SCFD2: variants seen among roughly 807,000 people sequenced by gnomAD.
SCFD2 encodes sec1 family domain containing 2, also known as sec1 family domain-containing protein 2.
Under a neutral mutation model 58.9 loss-of-function variants are expected in SCFD2, and 54 were observed. That is an observed-to-expected ratio of 0.92 (90% confidence interval 0.74 to 1.15). SCFD2 has a LOEUF of 1.15. Ranked by LOEUF, SCFD2 falls within the 50% of genes most tolerant of loss-of-function variation. The pLI is 0.00. For missense variants in SCFD2, 805 were observed against 836.6 expected (o/e 0.96, Z 0.47); for synonymous variants, 321 against 335.9 (o/e 0.96, Z 0.49).
chr4:53,114,600 A>T (rs1725267834), intron 5 of SCFD2, among the ~76,000 whole-genome samples: 1 of 152,182 alleles, frequency 6.6e-6, no homozygotes, highest in Non-Finnish European at 1.5e-5. Context: ...TAAAGGCTGA[A>T]AGAAAAATAC....
chr4:52,917,548 A>G (rs895225707), intron 6 of SCFD2, among the ~76,000 whole-genome samples: 9 of 152,092 alleles, frequency 5.9e-5, no homozygotes, highest in Non-Finnish European at 1.3e-4. Context: ...TGCAGATACC[A>G]TGGTGATCAA....
chr4:52,942,323 T>C (rs2109515406), intron 5 of SCFD2, among the ~76,000 whole-genome samples: 1 of 152,176 alleles, frequency 6.6e-6, no homozygotes, highest in Non-Finnish European at 1.5e-5. Flanking sequence ...AGCTGGAAAG[T>C]GTGTGCTAGT....
intron 5 of SCFD2, among the ~76,000 whole-genome samples, chr4:52,971,074 G>C (rs565814490): frequency 9.9e-5 from 15 of 152,166 alleles, no homozygotes; most frequent in Non-Finnish European, 2.1e-4. Flanking sequence ...GGAAAAACTA[G>C]AGCAGAAAAA....
At chr4:53,173,228 T>C (rs1727231512) in intron 4 of SCFD2, among the ~76,000 whole-genome samples, 1 of 152,296 alleles carries the variant, frequency 6.6e-6, no homozygotes, top group Non-Finnish European at 1.5e-5. Flanking sequence ...TTATAAACAA[T>C]GTAAATCAAA....
In SCFD2 at chr4:53,313,573, C is replaced by A. The variant is rs1366764926; in HGVS notation, c.1135+63G>T. The A allele has an allele frequency of 3.8e-6, 6 of 1,598,678 alleles. No individual in the cohort carries two copies. In the East Asian group the frequency reaches 1.3e-4, roughly 36 times the overall value. The stretch of plus-strand genomic sequence containing the variant: ...ATTCCATGTTGGCTAGCTTGGCCCA[C>A]AATTCAGAACAGGTTTAAATAAGCT... On this transcript the variant is annotated intron_variant, in intron 3 of 8. Transcript: ENST00000401642.
intron 5 of SCFD2, among the ~76,000 whole-genome samples, chr4:53,059,333 C>T (rs773962724): frequency 2.0e-5 from 3 of 152,132 alleles, no homozygotes; most frequent in Non-Finnish European, 4.4e-5. Context: ...TTACAACTAC[C>T]ATGGGCCTGG....
At chr4:53,281,571 C>A (rs1276860504) in intron 3 of SCFD2, among the ~76,000 whole-genome samples, 1 of 152,036 alleles carries the variant, frequency 6.6e-6, no homozygotes, top group Non-Finnish European at 1.5e-5. Context: ...AAATAATGTG[C>A]AAAAGACTCA....
chr4:53,031,670 G>A lies in SCFD2; in HGVS notation c.1562-110800C>T, dbSNP rs1413164499. Among the ~76,000 whole-genome samples the A allele has an allele frequency of 5.3e-5, 8 of 152,082 alleles. No individual in the cohort carries two copies. The East Asian group carries it at 9.7e-4, about 18-fold the overall frequency. The stretch of plus-strand genomic sequence containing the variant: ...GTTTCAATAGCCAAATTGATCAAAC[G>A]GAAGAAAGGATATCAATGATTGAAG... On this transcript the variant is annotated intron_variant, in intron 5 of 8. Coordinates refer to ENST00000401642, the MANE Select transcript of SCFD2 (RefSeq NM_152540.4).
At position 53,145,554 on chromosome 4, in the gene SCFD2, A is replaced by G. The variant is rs1156443763; in HGVS notation, c.1340T>C (p.Val447Ala). ...AATCATGGGCAGCAGCTGATTTAAC[A>G]CAACGGACATTGCTGACTCCCCAAT... Reference protein sequence around the residue: ...QSIGESAMSVVLNQLLPMIKP... With the variant: ...QSIGESAMSVALNQLLPMIKP... Residue 447 changes from valine (V) to alanine (A), a missense_variant, in exon 5 of 9, where the codon GTG (valine) becomes GCG (alanine). Physicochemically the swap from Val to Ala is moderately conservative, Grantham distance 64. Transcript: ENST00000401642. 1 of 1,614,168 alleles carries G rather than the reference A, an allele frequency of 6.2e-7. No individual in the cohort carries two copies. The highest frequency in any genetic ancestry group is 1.1e-5 in the South Asian group (1 of 91,064).
intron 4 of SCFD2, among the ~76,000 whole-genome samples, chr4:53,234,232 C>T (rs1729526786): frequency 6.6e-6 from 1 of 152,110 alleles, no homozygotes; most frequent in South Asian, 2.1e-4. Context: ...AGCATGTGCT[C>T]AATACATTGT....
intron 5 of SCFD2, among the ~76,000 whole-genome samples, chr4:53,002,175 C>T (rs1721878139): frequency 3.9e-5 from 6 of 152,096 alleles, no homozygotes. Flanking sequence ...TTGTGAGAAA[C>T]ACACGAATAA....
At chr4:53,123,545 C>T (rs1393637353) in intron 5 of SCFD2, among the ~76,000 whole-genome samples, 1 of 150,768 alleles carries the variant, frequency 6.6e-6, no homozygotes, top group Non-Finnish European at 1.5e-5. Context: ...GGGGGGGGCA[C>T]TGACAAACAT....
At position 52,873,323 on chromosome 4, in the gene SCFD2, A is replaced by G. The variant is rs1025669897; in HGVS notation, c.*646T>C. On this transcript the variant is annotated 3_prime_UTR_variant, in exon 9 of 9. Coordinates refer to ENST00000401642, the MANE Select transcript of SCFD2 (RefSeq NM_152540.4). ...CTCCAATCAACCACCTTCCCACTACAGTTCCAAGTAGCCTGGCAGACCTGC... is the reference window on the plus strand; with the variant it reads ...CTCCAATCAACCACCTTCCCACTACGGTTCCAAGTAGCCTGGCAGACCTGC... The G allele has an allele frequency of 2.6e-5, 4 of 152,212 alleles. No individual in the cohort carries two copies. The highest frequency in any genetic ancestry group is 5.9e-5 in the Non-Finnish European group (4 of 68,078). The allele number at this position is 152,212 out of a possible 1,614,324, so 9.4% of individuals were successfully genotyped here.
chr4:53,155,285 G>A (rs1726642002), intron 4 of SCFD2, among the ~76,000 whole-genome samples: 1 of 152,156 alleles, frequency 6.6e-6, no homozygotes, highest in Non-Finnish European at 1.5e-5. Context: ...GGACATTTAA[G>A]AGATAATTAG....
intron 4 of SCFD2, among the ~76,000 whole-genome samples, chr4:53,272,042 A>C (rs1731185590): frequency 6.6e-6 from 1 of 152,224 alleles, no homozygotes; most frequent in South Asian, 2.1e-4. Context: ...AAGTGGGCAA[A>C]GGATATGAAC....
chr4:53,143,795 T>TAC (rs113492027), intron 5 of SCFD2, among the ~76,000 whole-genome samples: 45,372 of 145,890 alleles, frequency 0.31, 6,961 homozygotes, highest in Non-Finnish European at 0.35. Context: ...CACCTAAACA[T>TAC]ACACACACAC....
chr4:52,896,037 A>G (rs532205793), intron 7 of SCFD2, among the ~76,000 whole-genome samples: 25 of 151,968 alleles, frequency 1.6e-4, no homozygotes, highest in African/African-American at 6.0e-4. Flanking sequence ...AATTTGTTGG[A>G]GTTCATTGTA....
At chr4:53,003,545 A>T (rs1721909791) in intron 5 of SCFD2, among the ~76,000 whole-genome samples, 1 of 152,208 alleles carries the variant, frequency 6.6e-6, no homozygotes, top group African/African-American at 2.4e-5. Flanking sequence ...TTAGATTTTT[A>T]GAATCTACCA....
intron 5 of SCFD2, among the ~76,000 whole-genome samples, chr4:52,993,096 C>G (rs1577646191): frequency 6.6e-6 from 1 of 152,158 alleles, no homozygotes; most frequent in South Asian, 2.1e-4. Flanking sequence ...AACCTTACCC[C>G]CAACCCCCTG....
Sources: gnomAD v4.1 joint callset for allele counts (sites outside exome capture counted in the v4.1 genomes callset) on GRCh38, gnomAD v4.1.1 for gene constraint, MANE v1.5 for transcripts, NCBI Gene and HGNC (gene_info 2026-07-23, HGNC 2026-07-21) for gene names.